Variants in ADAMTS17 observed in about 807,000 individuals in gnomAD.
ADAMTS17 encodes the protein A disintegrin and metalloproteinase with thrombospondin motifs 17.
In ADAMTS17, 113 loss-of-function variants were observed where a neutral mutation model predicts 141.5. The observed-to-expected ratio is 0.80, with a 90% confidence interval of 0.69 to 0.93. ADAMTS17 has a LOEUF of 0.93. Among genes scored for constraint, ADAMTS17 ranks in the 40% least tolerant of loss-of-function variants. The pLI is 0.00. For missense variants in ADAMTS17, 1,659 were observed against 1,517.9 expected, an observed-to-expected ratio of 1.09 and a Z score of -1.54; for synonymous variants, 768 against 630.6, an observed-to-expected ratio of 1.22 and a Z score of -3.27.
intron 20 of ADAMTS17, among the ~76,000 whole-genome samples, chr15:99,984,669 G>A (rs571652666): frequency 2.7e-4 from 41 of 152,326 alleles, no homozygotes; most frequent in Non-Finnish European, 4.9e-4. Flanking sequence ...ATCTGATGGC[G>A]GATGATGCCC....
intron 15 of ADAMTS17, among the ~76,000 whole-genome samples, chr15:100,059,348 G>A (rs769811492): frequency 4.6e-5 from 7 of 152,120 alleles, no homozygotes; most frequent in East Asian, 1.9e-4. Flanking sequence ...GAGCCTGCAC[G>A]CCTCTCCTCG....
At chr15:100,296,961 A>T (rs1276016625) in intron 3 of ADAMTS17, among the ~76,000 whole-genome samples, 1 of 152,204 alleles carries the variant, frequency 6.6e-6, no homozygotes, top group Non-Finnish European at 1.5e-5. Flanking sequence ...GAAGAATTAA[A>T]CATTCTACAT....
intron 20 of ADAMTS17, among the ~76,000 whole-genome samples, chr15:99,990,807 C>T (rs1248650342): frequency 1.3e-5 from 2 of 152,086 alleles, no homozygotes; most frequent in Non-Finnish European, 2.9e-5. Flanking sequence ...GCCATGTTGC[C>T]ACATTTTCAT....
Position 100,245,112 on chromosome 15 carries a change from G to C in ADAMTS17, c.1075+9024C>G, listed in dbSNP as rs546687204. Among the ~76,000 whole-genome samples the C allele has an allele frequency of 3.9e-5, 6 of 152,342 alleles. No homozygotes were observed. The East Asian group carries it at 1.2e-3, about 29-fold the overall frequency. ...GAACAGAAACACCGAGAGAACAAGA[G>C]ACACTCCTTCTACTCTTGTCACACT... On this transcript the variant is annotated intron_variant, in intron 7 of 21. Coordinates refer to ENST00000268070, the MANE Select transcript of ADAMTS17 (RefSeq NM_139057.4).
At chr15:100,167,570 A>G (rs1008453181) in intron 8 of ADAMTS17, among the ~76,000 whole-genome samples, 4 of 152,188 alleles carry the variant, frequency 2.6e-5, no homozygotes, top group Non-Finnish European at 5.9e-5. Flanking sequence ...TGCTGTGGAC[A>G]GTGACAGGAT....
intron 10 of ADAMTS17, among the ~76,000 whole-genome samples, chr15:100,150,621 C>A (rs151320451): frequency 8.7e-4 from 133 of 152,292 alleles, no homozygotes; most frequent in Middle Eastern, 6.8e-3. Context: ...GTGCTTGGCT[C>A]CTAGAAGGGA....
intron 3 of ADAMTS17, among the ~76,000 whole-genome samples, chr15:100,283,461 T>G (rs146936813): frequency 1.5e-3 from 235 of 152,294 alleles, no homozygotes; most frequent in Middle Eastern, 3.4e-3. Context: ...GCAGAGCTGA[T>G]GGGCCACCCA....
At chr15:100,259,086 A>G (rs1049311592) in intron 6 of ADAMTS17, among the ~76,000 whole-genome samples, 1 of 152,220 alleles carries the variant, frequency 6.6e-6, no homozygotes, top group Non-Finnish European at 1.5e-5. Context: ...TTTCTTAGCA[A>G]AACACCAGAA....
intron 12 of ADAMTS17, among the ~76,000 whole-genome samples, chr15:100,130,234 C>T (rs1277971856): frequency 2.6e-5 from 4 of 152,098 alleles, no homozygotes; most frequent in Admixed American, 6.5e-5. Context: ...AGTTGTGGTG[C>T]ACTCCTGTAA....
At chr15:100,052,387 G>C (rs1320607041) in intron 16 of ADAMTS17, among the ~76,000 whole-genome samples, 1 of 152,194 alleles carries the variant, frequency 6.6e-6, no homozygotes, top group Non-Finnish European at 1.5e-5. Context: ...ATCTTGAAGT[G>C]ACAATCACAT....
At chr15:100,223,982 G>C (rs1351441116) in intron 7 of ADAMTS17, among the ~76,000 whole-genome samples, 1 of 152,116 alleles carries the variant, frequency 6.6e-6, no homozygotes, top group Non-Finnish European at 1.5e-5. Flanking sequence ...TCCAGCATGG[G>C]AGAAAGACGT....
chr15:100,321,647 C>A (rs890866442), intron 3 of ADAMTS17, among the ~76,000 whole-genome samples: 1 of 152,170 alleles, frequency 6.6e-6, no homozygotes, highest in Non-Finnish European at 1.5e-5. Flanking sequence ...GGCTCACCAG[C>A]CGTACAGCTC....
At chr15:100,072,493 C>G (rs1253448757) in intron 15 of ADAMTS17, among the ~76,000 whole-genome samples, 4 of 151,728 alleles carry the variant, frequency 2.6e-5, no homozygotes, top group East Asian at 1.9e-4. Flanking sequence ...ATCACGCTAC[C>G]TGACTTCAAA....
At chr15:100,339,206 G>A (rs768741055) in intron 2 of ADAMTS17, 10 of 978,698 alleles carry the variant, frequency 1.0e-5, no homozygotes, top group Non-Finnish European at 1.2e-5. Context: ...GGACAGTCTT[G>A]CCGAGAAGCT....
intron 11 of ADAMTS17, 100 bp from the exon 12 acceptor site, chr15:100,132,252 C>T: frequency 6.7e-7 from 1 of 1,481,908 alleles, no homozygotes; most frequent in East Asian, 2.4e-5. Context: ...AACCCATTTG[C>T]TAAATTTACA....
At chr15:100,133,006 T>C (rs1055542084) in intron 11 of ADAMTS17, among the ~76,000 whole-genome samples, 3 of 152,218 alleles carry the variant, frequency 2.0e-5, no homozygotes, top group African/African-American at 4.8e-5. Flanking sequence ...AAATATTAAG[T>C]AAATGATACT....
In ADAMTS17 at chr15:100,324,488, C is replaced by A. The variant is rs75119205; in HGVS notation, c.616+6401G>T. On this transcript the variant is annotated intron_variant, in intron 3 of 21. Coordinates refer to ENST00000268070, the MANE Select transcript of ADAMTS17 (RefSeq NM_139057.4). Reference sequence around the variant, plus strand: ...TTATGTCTTTACTGCCTATCTCCCCCACCAAACCCTAAGTTCTCTGGAGGC... The same window carrying A: ...TTATGTCTTTACTGCCTATCTCCCCAACCAAACCCTAAGTTCTCTGGAGGC... Among the ~76,000 whole-genome samples the A allele has an allele frequency of 4.6e-4, 70 of 152,266 alleles. 4 individuals are homozygous for A. The East Asian group carries it at 0.013, about 27-fold the overall frequency.
rs192817565 is a variant in ADAMTS17, at chr15:100,338,134, C to T, written c.450+2905G>A. ...CTATGGCCTTTGAAGATCCAAAAGG[C>T]GCAGCTGGCCCAGCTTTTCAGGATA... is the stretch of plus-strand genomic sequence containing the variant. On this transcript the variant is annotated intron_variant, in intron 2 of 21. Coordinates refer to ENST00000268070, the MANE Select transcript of ADAMTS17 (RefSeq NM_139057.4). Among the ~76,000 whole-genome samples, 750 of 152,256 alleles carry T rather than the reference C, an allele frequency of 4.9e-3. 5 individuals carry two copies. Among genetic ancestry groups the T allele is most frequent in the Middle Eastern group, 0.01 (3 of 294 alleles).
intron 20 of ADAMTS17, among the ~76,000 whole-genome samples, chr15:99,983,353 G>T (rs547304633): frequency 6.6e-6 from 1 of 152,020 alleles, no homozygotes; most frequent in African/African-American, 2.4e-5. Flanking sequence ...GTTTCAGAGC[G>T]TCCATGTAAG....
Sources: allele counts gnomAD v4.1 joint callset (sites outside exome capture counted in the v4.1 genomes callset), GRCh38; gene constraint gnomAD v4.1.1; transcripts MANE v1.5; gene names NCBI Gene and HGNC (gene_info 2026-07-23, HGNC 2026-07-21).